Variants in IQSEC1 observed in about 807,000 individuals in gnomAD.
IQSEC1 encodes IQ motif and Sec7 domain ArfGEF 1.
A neutral mutation model predicts 91.0 loss-of-function variants in IQSEC1; 31 were observed. The ratio of observed to expected loss-of-function variants is 0.34; its 90% CI spans 0.26 to 0.46. The LOEUF (loss-of-function observed/expected upper bound fraction) is 0.46, where lower values mean the gene tolerates loss of function less well. Ranked by LOEUF, IQSEC1 falls within the 20% of genes least tolerant of loss-of-function variation. The pLI, the probability that IQSEC1 is intolerant of heterozygous loss-of-function variation, is 1.00. For synonymous variants in IQSEC1, 699 were observed against 662.6 expected, an observed-to-expected ratio of 1.05 and a Z score of -0.84; for missense variants, 1,388 against 1,575.6, an observed-to-expected ratio of 0.88 and a Z score of 2.02.
intron 6 of IQSEC1, among the ~76,000 whole-genome samples, chr3:12,918,941 C>T (rs1405468031): frequency 1.3e-5 from 2 of 152,240 alleles, no homozygotes; most frequent in Non-Finnish European, 2.9e-5. Flanking sequence ...CAGAGACCCT[C>T]AAACTCCCCC....
At chr3:13,263,968 C>T (rs559066711) in intron 1 of IQSEC1, among the ~76,000 whole-genome samples, 1 of 152,368 alleles carries the variant, frequency 6.6e-6, no homozygotes, top group South Asian at 2.1e-4. Flanking sequence ...CTTGTCCCTG[C>T]GCCTGTCCGC....
At chr3:12,976,425 G>C (rs1042448621) in intron 1 of IQSEC1, among the ~76,000 whole-genome samples, 1 of 152,154 alleles carries the variant, frequency 6.6e-6, no homozygotes, top group Non-Finnish European at 1.5e-5. Context: ...CTCCGGTGGA[G>C]CCAACACTCA....
chr3:12,977,337 A>C (rs1701230359), intron 1 of IQSEC1, among the ~76,000 whole-genome samples: 1 of 135,242 alleles, frequency 7.4e-6, no homozygotes, highest in Admixed American at 8.2e-5. Context: ...AACAGTATAA[A>C]ATCCTGTCTC....
chr3:12,906,046 CAG>C lies in IQSEC1; in HGVS notation c.2755+2301_2755+2302del, dbSNP rs1243316926. On this transcript the variant is annotated intron_variant, in intron 12 of 13. Transcript: ENST00000613206. Reference sequence around the variant, plus strand: ...CCCTTCCCTCTAACTCTTGGCACAACAGAGGCTTCTGCAGTCTCCTGAGGATG... The same window carrying C: ...CCCTTCCCTCTAACTCTTGGCACAACAGGCTTCTGCAGTCTCCTGAGGATG... 6.6e-5 allele frequency among the ~76,000 whole-genome samples: 10 copies of C among 152,328 alleles called. No homozygotes were observed. The South Asian group carries it at 1.7e-3, about 25-fold the overall frequency.
At chr3:13,109,823 C>T (rs1236540795) in intron 2 of IQSEC1, among the ~76,000 whole-genome samples, 1 of 150,752 alleles carries the variant, frequency 6.6e-6, no homozygotes, top group Non-Finnish European at 1.5e-5. Flanking sequence ...TACCCAGTCT[C>T]AGGAATTTCT....
rs1701224133 is a variant in IQSEC1, at chr3:12,977,211, G to C, written c.24-35346C>G. Among the ~76,000 whole-genome samples the C allele has an allele frequency of 3.3e-5, 5 of 152,054 alleles. 1 individual carries two copies. The South Asian group carries it at 1.0e-3, about 32-fold the overall frequency. ...AAAATATAAAAAATTAGCCGGGTGT[G>C]GTGGCACATGCCTGTGGTTCCAGCT... On this transcript the variant is annotated intron_variant, in intron 1 of 13. Transcript: ENST00000613206.
intron 2 of IQSEC1, among the ~76,000 whole-genome samples, chr3:13,142,929 C>T (rs924314968): frequency 6.6e-6 from 1 of 152,192 alleles, no homozygotes; most frequent in Admixed American, 6.5e-5. Context: ...GCTGCCCCTG[C>T]CTGGGACACT....
chr3:12,913,274 T>G (rs1695741877), intron 9 of IQSEC1, among the ~76,000 whole-genome samples, 154 bp downstream of exon 9: 1 of 152,256 alleles, frequency 6.6e-6, no homozygotes, highest in Admixed American at 6.5e-5. Context: ...CAATGAAGTC[T>G]GTCTTCATGT....
In IQSEC1 at chr3:12,970,877, A is replaced by G. The variant is rs6807737; in HGVS notation, c.24-29012T>C. 0.031 allele frequency among the ~76,000 whole-genome samples: 4,687 copies of G among 152,278 alleles called. 245 individuals carry two copies. Among genetic ancestry groups the G allele is most frequent in the African/African-American group, 0.1 (4,352 of 41,528 alleles). On this transcript the variant is annotated intron_variant, in intron 1 of 13. Coordinates refer to ENST00000613206, the MANE Select transcript of IQSEC1 (RefSeq NM_001134382.3). The surrounding 1 kb of genome is among the most constrained non-coding windows in gnomAD (Gnocchi z 4.4). ...TATTCCAACTGCCAGGGCTGGTTCT[A>G]TGTCCTTCCCTGCAGCAGCCCCTGT... is the stretch of plus-strand genomic sequence containing the variant.
At chr3:13,149,644 A>G (rs1706957741) in intron 2 of IQSEC1, among the ~76,000 whole-genome samples, 1 of 152,014 alleles carries the variant, frequency 6.6e-6, no homozygotes, top group Non-Finnish European at 1.5e-5. Flanking sequence ...TGAGACTGGA[A>G]GGTGTCATCC....
intron 5 of IQSEC1, among the ~76,000 whole-genome samples, chr3:12,921,492 G>C (rs1696627486): frequency 6.6e-6 from 1 of 152,262 alleles, no homozygotes; most frequent in Non-Finnish European, 1.5e-5. Flanking sequence ...TGACTGCGTA[G>C]TGACCGCGAG....
At position 12,967,754 on chromosome 3, in the gene IQSEC1, G is replaced by T. The variant is rs1700686724; in HGVS notation, c.24-25889C>A. ...GTGGGCGGGGCAGGGCGGGGGCGGG[G>T]CCGGAGGGCGAGCTGGGGGCGGGGC... On this transcript the variant is annotated intron_variant, in intron 1 of 13. Coordinates refer to ENST00000613206, the MANE Select transcript of IQSEC1 (RefSeq NM_001134382.3). This position sits in a 1 kb window ranked among gnomAD's most constrained non-coding sequence, Gnocchi z 5.9. 1 of 1,008,302 alleles carries T rather than the reference G, an allele frequency of 9.9e-7. No individual in the cohort carries two copies. Among genetic ancestry groups the T allele is most frequent in the South Asian group, 4.7e-5 (1 of 21,386 alleles). 62.5% of individuals were successfully genotyped at this position (1,008,302 alleles called of 1,614,324 possible).
At chr3:13,028,171 A>G (rs181098292) in intron 1 of IQSEC1, among the ~76,000 whole-genome samples, 3 of 152,354 alleles carry the variant, frequency 2.0e-5, no homozygotes, top group Admixed American at 2.0e-4. Flanking sequence ...TCACGCCTCA[A>G]GCATAGGGTT....
At chr3:13,043,249 G>A (rs538371959) in intron 1 of IQSEC1, among the ~76,000 whole-genome samples, 1 of 152,170 alleles carries the variant, frequency 6.6e-6, no homozygotes, top group South Asian at 2.1e-4. Context: ...CACAGGCCAG[G>A]GGACCTGGCA....
chr3:12,953,415 G>A (rs1463305301), intron 1 of IQSEC1, among the ~76,000 whole-genome samples: 2 of 152,234 alleles, frequency 1.3e-5, no homozygotes, highest in Non-Finnish European at 2.9e-5. Flanking sequence ...GGCCCGATAA[G>A]GCCCGGCCCA....
At chr3:13,067,592 G>A (rs1576231611) in intron 1 of IQSEC1, among the ~76,000 whole-genome samples, 1 of 152,212 alleles carries the variant, frequency 6.6e-6, no homozygotes, top group Non-Finnish European at 1.5e-5. Context: ...AGGGTAAGGC[G>A]TCAGGTCCCC....
chr3:13,057,435 C>T (rs1047607443), intron 1 of IQSEC1, among the ~76,000 whole-genome samples: 1 of 152,226 alleles, frequency 6.6e-6, no homozygotes, highest in Non-Finnish European at 1.5e-5. Context: ...ACACTCAGAA[C>T]CATGCTGCCC....
At chr3:12,941,353 G>A (rs1251289536) in intron 2 of IQSEC1, among the ~76,000 whole-genome samples, 4 of 152,166 alleles carry the variant, frequency 2.6e-5, no homozygotes, top group African/African-American at 9.6e-5. Flanking sequence ...GACAACCCAG[G>A]TCCTTCATAC....
intron 1 of IQSEC1, among the ~76,000 whole-genome samples, chr3:13,199,549 T>G (rs1046096101): frequency 6.6e-6 from 1 of 152,128 alleles, no homozygotes; most frequent in African/African-American, 2.4e-5. Flanking sequence ...ACTCCCCACT[T>G]GCTGTGCTGT....
Sources: allele counts gnomAD v4.1 joint callset (sites outside exome capture counted in the v4.1 genomes callset), GRCh38; gene constraint gnomAD v4.1.1; non-coding constraint Gnocchi (gnomAD v3.1); transcripts MANE v1.5; gene names NCBI Gene and HGNC (gene_info 2026-07-23, HGNC 2026-07-21).